The following CAMK2D variants were observed in gnomAD, a reference collection of about 807,000 sequenced individuals.
CAMK2D encodes the protein calcium/calmodulin-dependent protein kinase type II subunit delta.
CAMK2D carries 37 observed loss-of-function variants against 84.0 expected under a neutral mutation model. That is an observed-to-expected ratio of 0.44 (90% CI 0.34 to 0.58). The LOEUF (loss-of-function observed/expected upper bound fraction) is 0.58, where lower values mean the gene tolerates loss of function less well. Ranked by LOEUF, CAMK2D falls within the 20% of genes least tolerant of loss-of-function variation. The pLI, the probability that CAMK2D is intolerant of heterozygous loss-of-function variation, is 0.02. For missense variants in CAMK2D, 448 were observed against 652.5 expected (o/e 0.69, Z 3.41); for synonymous variants, 202 against 212.5 (o/e 0.95, Z 0.43).
rs771069519 is a variant in CAMK2D, at chr4:113,502,914, G to A, written c.1086+22C>T. The A allele has an allele frequency of 2.6e-6, 4 of 1,546,210 alleles. No homozygotes were observed. In the East Asian group the frequency reaches 9.0e-5, roughly 35 times the overall value. On this transcript the variant is annotated intron_variant, in intron 15 of 20. Coordinates refer to ENST00000511664, the MANE Select transcript of CAMK2D (RefSeq NM_001321571.2). The stretch of plus-strand genomic sequence containing the variant: ...ATGTATAGTCTTGTTAAAGCAAGAT[G>A]ATGTTGATTCTTTCTGAATACCTTG...
At position 113,510,514 on chromosome 4, in the gene CAMK2D, G is replaced by A. The variant is rs189001336; in HGVS notation, c.947-839C>T. On this transcript the variant is annotated intron_variant, in intron 12 of 20. Transcript: ENST00000511664. ...CTGTTACTAAACTTCTTGAGTATAT[G>A]AAAAGGTGAAGTCACCCTTTCAGAA... Among the ~76,000 whole-genome samples, 193 of 152,162 alleles carry A rather than the reference G, an allele frequency of 1.3e-3. 1 individual carries two copies. The highest frequency in any genetic ancestry group is 4.6e-3 in the African/African-American group (190 of 41,532).
At chr4:113,755,252 G>A (rs2099626049) in intron 2 of CAMK2D, among the ~76,000 whole-genome samples, 1 of 150,700 alleles carries the variant, frequency 6.6e-6, no homozygotes, top group African/African-American at 2.4e-5. Flanking sequence ...TGCATACATG[G>A]TCAAGTAGTT....
In CAMK2D at chr4:113,575,133, AG is replaced by A. The variant is rs1561081396; in HGVS notation, c.276-23038del. Among the ~76,000 whole-genome samples, 5 of 152,330 alleles carry A rather than the reference AG, an allele frequency of 3.3e-5. No homozygotes were observed. In the South Asian group the frequency reaches 1.0e-3, roughly 32 times the overall value. On this transcript the variant is annotated intron_variant, in intron 4 of 20. Coordinates refer to ENST00000511664, the MANE Select transcript of CAMK2D (RefSeq NM_001321571.2). ...TGTAGGCTGTTAAACTACAGAAGTG[AG>A]GGGGTTTATTCTACTCATTTGCTGT... is the stretch of plus-strand genomic sequence containing the variant.
At chr4:113,498,333 G>A (rs897174291) in intron 16 of CAMK2D, among the ~76,000 whole-genome samples, 4 of 151,884 alleles carry the variant, frequency 2.6e-5, no homozygotes, top group Non-Finnish European at 4.4e-5. Flanking sequence ...AAAAATGATG[G>A]GGCCTAGGCA....
intron 16 of CAMK2D, among the ~76,000 whole-genome samples, chr4:113,494,843 T>C (rs1414973009): frequency 2.0e-5 from 3 of 152,214 alleles, no homozygotes; most frequent in African/African-American, 4.8e-5. Context: ...AATCTCCTGG[T>C]GCGCCGTTTT....
chr4:113,662,731 CAT>C (rs1305193951), intron 2 of CAMK2D, among the ~76,000 whole-genome samples: 61 of 152,190 alleles, frequency 4.0e-4, no homozygotes, highest in African/African-American at 1.3e-3. Context: ...TGATGCAACA[CAT>C]GTCAACACAT....
intron 4 of CAMK2D, among the ~76,000 whole-genome samples, chr4:113,567,342 A>G (rs780820965): frequency 1.5e-4 from 23 of 151,390 alleles, no homozygotes; most frequent in Non-Finnish European, 3.2e-4. Flanking sequence ...TAATTTTTGT[A>G]TTTTCAGTAG....
intron 5 of CAMK2D, 79 bp downstream of exon 5, chr4:113,551,952 A>T (rs901478320): frequency 1.6e-5 from 11 of 666,770 alleles, no homozygotes; most frequent in African/African-American, 3.7e-5. Context: ...TTGTACAAAC[A>T]TGCATTTGTA....
intron 2 of CAMK2D, chr4:113,677,403 T>C (rs2099322889): frequency 6.3e-6 from 1 of 159,734 alleles, no homozygotes; most frequent in South Asian, 2.0e-4. Context: ...CAGCAAATAC[T>C]CGTAAATATT....
At chr4:113,524,714 T>C (rs1560709439) in intron 8 of CAMK2D, among the ~76,000 whole-genome samples, 1 of 152,278 alleles carries the variant, frequency 6.6e-6, no homozygotes, top group Non-Finnish European at 1.5e-5. Flanking sequence ...GGTCCTGAGG[T>C]AGATCTCAGG....
intron 16 of CAMK2D, among the ~76,000 whole-genome samples, chr4:113,491,953 T>C (rs1415682256): frequency 3.3e-5 from 5 of 152,098 alleles, no homozygotes; most frequent in Non-Finnish European, 5.9e-5. Flanking sequence ...TATTCTCTGA[T>C]GGTAGTTTCT....
At chr4:113,511,049 A>G (rs1440269650) in intron 12 of CAMK2D, among the ~76,000 whole-genome samples, 1 of 152,088 alleles carries the variant, frequency 6.6e-6, no homozygotes, top group African/African-American at 2.4e-5. Context: ...CAGGGTAAGC[A>G]GGGATTTGGC....
intron 2 of CAMK2D, among the ~76,000 whole-genome samples, chr4:113,752,802 C>T (rs1257648404): frequency 6.6e-6 from 1 of 152,128 alleles, no homozygotes; most frequent in East Asian, 1.9e-4. Context: ...CATGGAGGGA[C>T]TGTCTGAAAC....
At chr4:113,607,698 A>G (rs1412367221) in intron 4 of CAMK2D, among the ~76,000 whole-genome samples, 1 of 151,632 alleles carries the variant, frequency 6.6e-6, no homozygotes, top group Admixed American at 6.6e-5. Flanking sequence ...TCCCACCCCT[A>G]TCTCCCTTTG....
chr4:113,735,076 T>C (rs938484560), intron 2 of CAMK2D, among the ~76,000 whole-genome samples: 13 of 151,550 alleles, frequency 8.6e-5, no homozygotes, highest in African/African-American at 3.1e-4. Context: ...CGTTTGCCTG[T>C]CCAAGAAACT....
In CAMK2D at chr4:113,760,382, G is replaced by A. The variant is rs138660629; in HGVS notation, c.65+622C>T. On this transcript the variant is annotated intron_variant, in intron 1 of 20. Transcript: ENST00000511664. ...ACACGTAAATCCTAGGAAGAATGAT[G>A]GTGAGCGGTAATCTGGTGCAAAGAA... 9.2e-5 allele frequency among the ~76,000 whole-genome samples: 14 copies of A among 152,300 alleles called. No homozygotes were observed. The East Asian group carries it at 9.6e-4, about 10-fold the overall frequency.
chr4:113,708,714 TTTG>T lies in CAMK2D; in HGVS notation c.161-46945_161-46943del, dbSNP rs1246856859. 6.6e-5 allele frequency among the ~76,000 whole-genome samples: 10 copies of T among 152,126 alleles called. No individual in the cohort carries two copies. In the South Asian group the frequency reaches 1.7e-3, roughly 25 times the overall value. On this transcript the variant is annotated intron_variant, in intron 2 of 20. Transcript: ENST00000511664. ...TTTTCTTCCCTTCAAAATAAAAGGT[TTTG>T]TTGTTGTTGTTCTTTTTGTTGTTTT... is the stretch of plus-strand genomic sequence containing the variant.
intron 2 of CAMK2D, among the ~76,000 whole-genome samples, chr4:113,685,048 T>A (rs1385870407): frequency 6.6e-6 from 1 of 152,064 alleles, no homozygotes; most frequent in East Asian, 1.9e-4. Context: ...TTGATTCTCT[T>A]TAGTAAGGCA....
At chr4:113,721,028 C>T (rs928031483) in intron 2 of CAMK2D, among the ~76,000 whole-genome samples, 10 of 152,234 alleles carry the variant, frequency 6.6e-5, no homozygotes, top group African/African-American at 2.4e-4. Context: ...TAAAAAACTT[C>T]ATTTCCAAAC....
Sources: gnomAD v4.1 joint callset for allele counts (sites outside exome capture counted in the v4.1 genomes callset) on GRCh38, gnomAD v4.1.1 for gene constraint, MANE v1.5 for transcripts, NCBI Gene and HGNC (gene_info 2026-07-23, HGNC 2026-07-21) for gene names.